SUPT3H: variants seen among roughly 807,000 people sequenced by gnomAD.
SUPT3H encodes the protein transcription initiation protein SPT3 homolog.
A neutral mutation model predicts 44.3 loss-of-function variants in SUPT3H; 44 were observed. The ratio of observed to expected loss-of-function variants is 0.99; its 90% CI spans 0.78 to 1.28. The LOEUF (loss-of-function observed/expected upper bound fraction) is 1.28. SUPT3H is among the 50% of genes most tolerant of loss of function. The probability of loss-of-function intolerance (pLI) is 0.00; values close to 1 mark genes in which losing one functional copy is unlikely to be tolerated. For synonymous variants in SUPT3H, 124 were observed against 125.6 expected (o/e 0.99, Z 0.09); for missense variants, 380 against 387.1 (o/e 0.98, Z 0.15).
At chr6:44,958,026 G>C (rs1775464428) in intron 7 of SUPT3H, among the ~76,000 whole-genome samples, 1 of 152,122 alleles carries the variant, frequency 6.6e-6, no homozygotes, top group African/African-American at 2.4e-5. Context: ...TTTTCATCAA[G>C]AGGTGAGAGG....
intron 2 of SUPT3H, among the ~76,000 whole-genome samples, chr6:45,162,385 G>T (rs941470647): frequency 1.3e-5 from 2 of 151,992 alleles, no homozygotes; most frequent in Non-Finnish European, 2.9e-5. Context: ...TTAGCCAGCT[G>T]GGGTGGTGTG....
chr6:45,334,039 C>T (rs576659909), intron 2 of SUPT3H, among the ~76,000 whole-genome samples: 1 of 151,214 alleles, frequency 6.6e-6, no homozygotes, highest in East Asian at 1.9e-4. Flanking sequence ...TAACATTATT[C>T]CCAGAAATAT....
intron 2 of SUPT3H, among the ~76,000 whole-genome samples, chr6:45,192,488 G>GT (rs1309050373): frequency 6.6e-6 from 1 of 152,106 alleles, no homozygotes; most frequent in African/African-American, 2.4e-5. Flanking sequence ...TTAATTTTAT[G>GT]TTTTTAAAGA....
intron 6 of SUPT3H, among the ~76,000 whole-genome samples, chr6:44,978,138 T>G (rs922994521): frequency 3.3e-5 from 5 of 152,200 alleles, no homozygotes; most frequent in Non-Finnish European, 5.9e-5. Flanking sequence ...CTAGTCACTA[T>G]GAAGGGAAGA....
rs897592476 is a variant in SUPT3H at position 45,228,656 on chromosome 6, AT to A, written c.102-122651del. 3.3e-5 allele frequency among the ~76,000 whole-genome samples: 5 copies of A among 150,864 alleles called. No homozygotes were observed. The Admixed American group carries it at 3.3e-4, about 10-fold the overall frequency. On this transcript the variant is annotated intron_variant, in intron 2 of 10. Transcript: ENST00000371459. ...CCTTCTAAAAATAAAAATAAAAAAA[AT>A]TTTTTTTTTGAGATGGAGTCTCACT...
intron 2 of SUPT3H, among the ~76,000 whole-genome samples, chr6:45,313,551 TC>T (rs1784273057): frequency 6.6e-6 from 1 of 151,092 alleles, no homozygotes; most frequent in African/African-American, 2.4e-5. Flanking sequence ...AACAGATGGA[TC>T]AATTCCTAGA....
intron 2 of SUPT3H, among the ~76,000 whole-genome samples, chr6:45,342,754 G>A (rs1790067521): frequency 6.6e-6 from 1 of 151,908 alleles, no homozygotes; most frequent in Admixed American, 6.6e-5. Flanking sequence ...TGTTTTAAAA[G>A]CTTATTTTTC....
intron 2 of SUPT3H, among the ~76,000 whole-genome samples, chr6:45,332,862 A>G (rs147268817): frequency 6.6e-6 from 1 of 151,708 alleles, no homozygotes; most frequent in Non-Finnish European, 1.5e-5. Context: ...AGCAGATCCA[A>G]TGGTAATTTA....
chr6:45,121,352 G>A (rs974815812), intron 2 of SUPT3H, among the ~76,000 whole-genome samples: 3 of 152,198 alleles, frequency 2.0e-5, no homozygotes, highest in Admixed American at 6.5e-5. Flanking sequence ...TGCTCTGTAT[G>A]TCCTGGGGAC....
intron 2 of SUPT3H, among the ~76,000 whole-genome samples, chr6:45,363,628 CAACAT>C (rs987074020): frequency 1.3e-5 from 2 of 151,814 alleles, no homozygotes; most frequent in African/African-American, 4.8e-5. Flanking sequence ...TAACATAACA[CAACAT>C]AAAATATTCT....
At chr6:45,281,079 T>C (rs571063496) in intron 2 of SUPT3H, among the ~76,000 whole-genome samples, 66 of 152,348 alleles carry the variant, frequency 4.3e-4, no homozygotes, top group African/African-American at 1.5e-3. Context: ...AAGACTGTTT[T>C]AGTTTTTAAT....
intron 2 of SUPT3H, among the ~76,000 whole-genome samples, chr6:45,314,472 A>G (rs1784415942): frequency 6.6e-6 from 1 of 152,224 alleles, no homozygotes; most frequent in Admixed American, 6.5e-5. Flanking sequence ...AAAGTACACA[A>G]ATCAGTAGCT....
intron 2 of SUPT3H, among the ~76,000 whole-genome samples, chr6:45,175,747 G>A (rs1351023205): frequency 2.0e-5 from 3 of 152,026 alleles, no homozygotes; most frequent in Non-Finnish European, 4.4e-5. Context: ...TACGTATTAT[G>A]GAACCCAAAG....
chr6:45,032,944 T>A (rs1254452671), intron 3 of SUPT3H, among the ~76,000 whole-genome samples: 6 of 152,032 alleles, frequency 3.9e-5, no homozygotes, highest in Admixed American at 3.3e-4. Context: ...AGACTCTGAG[T>A]TGTAGGCAGA....
chr6:45,276,389 T>A (rs1777022567), intron 2 of SUPT3H, among the ~76,000 whole-genome samples: 1 of 152,092 alleles, frequency 6.6e-6, no homozygotes, highest in African/African-American at 2.4e-5. Flanking sequence ...AAATACTATA[T>A]AAAGAAAAAA....
intron 3 of SUPT3H, among the ~76,000 whole-genome samples, chr6:45,025,588 T>C (rs904814612): frequency 1.3e-5 from 2 of 152,142 alleles, no homozygotes; most frequent in South Asian, 2.1e-4. Context: ...AGGTTTAAAA[T>C]GTACAACAGA....
chr6:45,322,790 T>G (rs1369417888), intron 2 of SUPT3H: 2 of 917,238 alleles, frequency 2.2e-6, no homozygotes, highest in Non-Finnish European at 3.6e-6. Context: ...CTGTGTGTGG[T>G]CTCGCCCATA....
intron 2 of SUPT3H, among the ~76,000 whole-genome samples, chr6:45,301,468 T>C (rs1782132129): frequency 6.6e-6 from 1 of 152,206 alleles, no homozygotes; most frequent in Non-Finnish European, 1.5e-5. Flanking sequence ...CTTATTGTTT[T>C]GGGTCTTTTT....
chr6:45,093,638 CAAAG>C (rs1797423489), intron 3 of SUPT3H, among the ~76,000 whole-genome samples: 1 of 152,018 alleles, frequency 6.6e-6, no homozygotes, highest in Middle Eastern at 3.4e-3. Flanking sequence ...AAAGTAAGAA[CAAAG>C]AAAGAGGGAG....
Sources: allele counts gnomAD v4.1 joint callset (sites outside exome capture counted in the v4.1 genomes callset), GRCh38; gene constraint gnomAD v4.1.1; transcripts MANE v1.5; gene names NCBI Gene and HGNC (gene_info 2026-07-23, HGNC 2026-07-21).